The following UBAP2L variants were observed in gnomAD, a reference collection of about 807,000 sequenced individuals.
UBAP2L encodes the protein ubiquitin-associated protein 2-like.
UBAP2L carries 12 observed loss-of-function variants against 130.6 expected under a neutral mutation model. The observed-to-expected ratio is 0.09, with a 90% confidence interval of 0.06 to 0.15. The LOEUF is 0.15. UBAP2L is among the 10% of genes least tolerant of loss of function. UBAP2L has a pLI of 1.00. For synonymous variants in UBAP2L, 503 were observed against 524.7 expected, an observed-to-expected ratio of 0.96 and a Z score of 0.57; for missense variants, 965 against 1,332.5, an observed-to-expected ratio of 0.72 and a Z score of 4.29.
Position 154,251,325 on chromosome 1 carries a change from A to G in UBAP2L, c.1491+7A>G, listed in dbSNP as rs930321450. 6.2e-7 allele frequency: 1 copy of G among 1,608,838 alleles called. No individual in the cohort carries two copies. Reference sequence around the variant, plus strand: ...AGCCTCCTTGACTTCTAAGGTACTTAAACTTTTAGGTAGATACCATTTTAT... The same window carrying G: ...AGCCTCCTTGACTTCTAAGGTACTTGAACTTTTAGGTAGATACCATTTTAT... On this transcript the variant is annotated splice_region_variant and intron_variant, in intron 13 of 26. Transcript: ENST00000428931.
chr1:154,270,175 T>C (rs554770136), intron 26 of UBAP2L, 25 bp from the exon 27 acceptor site: 1 of 1,565,036 alleles, frequency 6.4e-7, no homozygotes, highest in South Asian at 1.2e-5. Context: ...TTTTTCCTCC[T>C]CATGATCCTC....
At chr1:154,262,981 TC>T in intron 24 of UBAP2L, 1 of 914,854 alleles carries the variant, frequency 1.1e-6, no homozygotes, top group Non-Finnish European at 1.6e-6. Flanking sequence ...AATCCCACCT[TC>T]TTGCCTCCCT....
At chr1:154,227,907 G>T (rs1668515925) in intron 3 of UBAP2L, among the ~76,000 whole-genome samples, 1 of 152,058 alleles carries the variant, frequency 6.6e-6, no homozygotes, top group South Asian at 2.1e-4. Flanking sequence ...TTAACCTCTT[G>T]CCTGTTGCTG....
intron 24 of UBAP2L, among the ~76,000 whole-genome samples, chr1:154,261,997 G>A (rs973784222): frequency 3.9e-5 from 6 of 152,184 alleles, no homozygotes; most frequent in African/African-American, 1.4e-4. Flanking sequence ...CCAAGATTTT[G>A]CTGAAATGTC....
chr1:154,254,454 T>C (rs1571882864), intron 15 of UBAP2L, among the ~76,000 whole-genome samples: 2 of 152,278 alleles, frequency 1.3e-5, no homozygotes, highest in East Asian at 3.9e-4. Context: ...AGAGGTGATG[T>C]GGAGTGAGTG....
intron 2 of UBAP2L, among the ~76,000 whole-genome samples, chr1:154,226,904 C>T (rs1272156646): frequency 3.3e-5 from 5 of 152,082 alleles, no homozygotes; most frequent in Non-Finnish European, 7.4e-5. Flanking sequence ...TTCACTGCAA[C>T]CTCCTCCTCC....
intron 23 of UBAP2L, 77 bp from the exon 24 acceptor site, chr1:154,261,515 G>A: frequency 7.0e-7 from 1 of 1,420,386 alleles, no homozygotes; most frequent in African/African-American, 1.4e-5. Context: ...TGAATGGCCA[G>A]TACCTGGAGC....
chr1:154,255,714 T>C lies in UBAP2L; in HGVS notation c.2116T>C (p.Ser706Pro). The change falls in exon 18 of 27, where the codon TCA (serine) becomes CCA (proline). Residue 706 changes from serine to proline, a missense_variant. By Grantham distance (74) the Ser-to-Pro change is moderately conservative. Around this residue, in one of 9 missense-constraint regions of UBAP2L, gnomAD observed 393 missense variants for 408.1 expected, o/e 0.96. Transcript: ENST00000428931. ...TLSTQQNTLSSSTSSGRTSTS... is the reference protein window; with the variant it reads ...TLSTQQNTLSPSTSSGRTSTS... ...ATCTACGCAGCAGAATACCCTTTCATCATCAACATCTTCTGGGCGCACTTC... is the reference window on the plus strand; with the variant it reads ...ATCTACGCAGCAGAATACCCTTTCACCATCAACATCTTCTGGGCGCACTTC... 1 of 1,614,190 alleles carries C rather than the reference T, an allele frequency of 6.2e-7. No individual in the cohort carries two copies. Among genetic ancestry groups the C allele is most frequent in the Non-Finnish European group, 8.5e-7 (1 of 1,180,036 alleles).
intron 10 of UBAP2L, among the ~76,000 whole-genome samples, chr1:154,244,565 T>G (rs994523091): frequency 3.9e-5 from 6 of 152,016 alleles, no homozygotes; most frequent in African/African-American, 1.2e-4. Flanking sequence ...AGAGGCAGCG[T>G]TTCACCATGT....
At position 154,257,347 on chromosome 1, in the gene UBAP2L, A is replaced by G. The variant is rs886389560; in HGVS notation, c.2355A>G (p.Gly785=). ...ATAAAAATGTAATTTCTCTTTTAGGAAAAGCTCCTCCCAACCTCCCTCCTG... is the reference window on the plus strand; with the variant it reads ...ATAAAAATGTAATTTCTCTTTTAGGGAAAGCTCCTCCCAACCTCCCTCCTG... ...STRSSVATTS[G]KAPPNLPPGV... is the part of the protein sequence containing the mutation. Residue 785 remains glycine, a splice_region_variant and synonymous_variant, in exon 20 of 27, where the codon GGA becomes GGG. Coordinates refer to ENST00000428931, the MANE Select transcript of UBAP2L (RefSeq NM_014847.4). The G allele has an allele frequency of 2.5e-6, 4 of 1,614,046 alleles. No homozygotes were observed. Among genetic ancestry groups the G allele is most frequent in the African/African-American group, 1.3e-5 (1 of 75,048 alleles).
At chr1:154,264,126 C>T (rs962014260) in intron 24 of UBAP2L, among the ~76,000 whole-genome samples, 2 of 152,212 alleles carry the variant, frequency 1.3e-5, no homozygotes, top group Admixed American at 1.3e-4. Flanking sequence ...CTAATTCCCT[C>T]CCAGTCCAGC....
At chr1:154,242,768 A>G (rs1369960035) in intron 9 of UBAP2L, among the ~76,000 whole-genome samples, 2 of 152,148 alleles carry the variant, frequency 1.3e-5, no homozygotes, top group Admixed American at 1.3e-4. Flanking sequence ...CTTACTGCTC[A>G]AAAGCTAAAA....
chr1:154,268,616 C>T (rs1218648822), intron 25 of UBAP2L, 141 bp from the exon 26 acceptor site: 3 of 768,758 alleles, frequency 3.9e-6, no homozygotes, highest in Admixed American at 2.2e-5. Flanking sequence ...AGACTGAGAC[C>T]TGAATATGTG....
chr1:154,269,727 G>C, intron 26 of UBAP2L: 1 of 306,040 alleles, frequency 3.3e-6, no homozygotes, highest in Non-Finnish European at 6.4e-6. Flanking sequence ...CAGATGTGAT[G>C]TGTGGTAGGG....
At chr1:154,240,991 T>C (rs1303658662) in intron 8 of UBAP2L, among the ~76,000 whole-genome samples, 2 of 131,192 alleles carry the variant, frequency 1.5e-5, no homozygotes, top group Non-Finnish European at 3.1e-5. Flanking sequence ...AGCTATGAAA[T>C]CATAATCTTA....
rs373214798 is a variant in UBAP2L, at chr1:154,251,267, G to A, written c.1440G>A (p.Pro480=). Reference sequence around the variant, plus strand: ...ACAACCAGTCCTCTAGCCCTCAGCCGGCTCAGCAGAAACTGAAACAGCAGA... The same window carrying A: ...ACAACCAGTCCTCTAGCCCTCAGCCAGCTCAGCAGAAACTGAAACAGCAGA... ...SSDNQSSSPQ[P]AQQKLKQQKK... is the part of the protein sequence containing the mutation. Residue 480 remains proline (P), a synonymous_variant, in exon 13 of 27, where the codon CCG becomes CCA. Transcript: ENST00000428931. The A allele has an allele frequency of 1.4e-5, 23 of 1,613,988 alleles. No individual in the cohort carries two copies. Among genetic ancestry groups the A allele is most frequent in the African/African-American group, 2.7e-5 (2 of 74,890 alleles).
intron 4 of UBAP2L, among the ~76,000 whole-genome samples, chr1:154,233,827 T>C (rs183789340): frequency 6.6e-6 from 1 of 151,562 alleles, no homozygotes; most frequent in East Asian, 1.9e-4. Flanking sequence ...GTATGAATGA[T>C]GCTATAAAAA....
chr1:154,253,289 A>G (rs951182250), intron 14 of UBAP2L, among the ~76,000 whole-genome samples: 2 of 152,144 alleles, frequency 1.3e-5, no homozygotes, highest in African/African-American at 4.8e-5. Flanking sequence ...GGCATGAGCC[A>G]CGGCTTCCGG....
At chr1:154,263,136 G>T in intron 24 of UBAP2L, 1 of 1,552,002 alleles carries the variant, frequency 6.4e-7, no homozygotes. Flanking sequence ...AAGCATTTCT[G>T]GACGGCTGAG....
Sources: allele counts gnomAD v4.1 joint callset (sites outside exome capture counted in the v4.1 genomes callset), GRCh38; gene constraint gnomAD v4.1.1; regional missense constraint gnomAD v4.1.1; transcripts MANE v1.5; gene names NCBI Gene and HGNC (gene_info 2026-07-23, HGNC 2026-07-21).